The following ANKRD45 variants were observed in gnomAD, a reference collection of about 807,000 sequenced individuals.
ANKRD45 encodes ankyrin repeat domain-containing protein 45.
Under a neutral mutation model 28.1 loss-of-function variants are expected in ANKRD45, and 21 were observed. That is an observed-to-expected ratio of 0.75 (90% CI 0.53 to 1.08). The LOEUF is 1.08. ANKRD45 is among the 50% of genes least tolerant of loss of function. ANKRD45 has a pLI of 0.00. For synonymous variants in ANKRD45, 86 were observed against 103.9 expected (o/e 0.83, Z 1.05); for missense variants, 261 against 308.7 (o/e 0.85, Z 1.16).
In ANKRD45 at chr1:173,611,724, TTGGCAATGGTTTCTTAGG is replaced by T. The variant is rs1667166847; in HGVS notation, c.731-1527_731-1510del. Among the ~76,000 whole-genome samples, 3 of 152,146 alleles carry T rather than the reference TTGGCAATGGTTTCTTAGG, an allele frequency of 2.0e-5. No homozygotes were observed. In the South Asian group the frequency reaches 6.2e-4, roughly 32 times the overall value. On this transcript the variant is annotated intron_variant, in intron 5 of 5. Coordinates refer to ENST00000333279, the MANE Select transcript of ANKRD45 (RefSeq NM_198493.3). Reference sequence around the variant, plus strand: ...AGAATTAAATCTTGGTGACCTTGGATTGGCAATGGTTTCTTAGGTATGACACAGAAAGCAGAAGCAACA... The same window carrying T: ...AGAATTAAATCTTGGTGACCTTGGATTATGACACAGAAAGCAGAAGCAACA...
At chr1:173,635,429 G>C (rs747756497) in intron 3 of ANKRD45, 46 of 965,432 alleles carry the variant, frequency 4.8e-5, no homozygotes, top group Non-Finnish European at 6.7e-5. Context: ...TCCCTTCGTA[G>C]GGAATTTAGT....
In ANKRD45 at chr1:173,627,143, CAG is replaced by C. The variant is rs745419101; in HGVS notation, c.511_512del (p.Leu171GlufsTer13). On this transcript the variant is annotated frameshift_variant, in exon 4 of 6. Coordinates refer to ENST00000333279, the MANE Select transcript of ANKRD45 (RefSeq NM_198493.3). LOFTEE classifies it high-confidence loss of function. ...AAGAGACTTTTGCAATATATTTTTT[CAG>C]AGTCAGCCTTGCATCTGAAAGAATG... ...FLDWADARLT[L>X]KKYIAKVSLA... The C allele has an allele frequency of 1.9e-6, 3 of 1,611,782 alleles. No individual in the cohort carries two copies. Among genetic ancestry groups the C allele is most frequent in the East Asian group, 2.2e-5 (1 of 44,854 alleles).
At chr1:173,672,883 A>T (rs758445031), upstream of ANKRD45, among the ~76,000 whole-genome samples, 2 of 152,140 alleles carry the variant, frequency 1.3e-5, no homozygotes, top group Non-Finnish European at 2.9e-5. Flanking sequence ...CTCAGCAATA[A>T]CCTGTGGGTA....
the ANKRD45 span, among the ~76,000 whole-genome samples, chr1:173,709,616 C>T: frequency 5.3e-5 from 8 of 152,018 alleles, no homozygotes; most frequent in African/African-American, 1.9e-4. Flanking sequence ...CATATCTGGG[C>T]ACCCTACTAG....
intron 5 of ANKRD45, among the ~76,000 whole-genome samples, chr1:173,614,677 C>G (rs1667381343): frequency 6.6e-6 from 1 of 152,162 alleles, no homozygotes; most frequent in South Asian, 2.1e-4. Context: ...TCCCAACACA[C>G]ATGTTCCCAG....
intron 3 of ANKRD45, among the ~76,000 whole-genome samples, chr1:173,644,593 C>T (rs997800961): frequency 6.6e-6 from 1 of 152,150 alleles, no homozygotes; most frequent in Admixed American, 6.5e-5. Context: ...CCAATAATAC[C>T]TCACATCCAT....
intron 3 of ANKRD45, among the ~76,000 whole-genome samples, chr1:173,642,854 C>A (rs754855900): frequency 6.6e-6 from 1 of 152,184 alleles, no homozygotes; most frequent in Non-Finnish European, 1.5e-5. Context: ...CAATGGAAAC[C>A]GGACACAGCA....
In ANKRD45 at chr1:173,609,133, G is replaced by C. The variant is rs1216881956; in HGVS notation, c.*1012C>G. Among the ~76,000 whole-genome samples the C allele has an allele frequency of 3.9e-5, 6 of 152,080 alleles. No individual in the cohort carries two copies. Among genetic ancestry groups the C allele is most frequent in the Non-Finnish European group, 7.4e-5 (5 of 68,020 alleles). ...TGCTTTAAAAAATTGAAACTGAATT[G>C]CTCATACATTAAAAGGATAAAAAAC... On this transcript the variant is annotated 3_prime_UTR_variant, in exon 6 of 6. Transcript: ENST00000333279.
At chr1:173,670,132 C>G (rs992016884), upstream of ANKRD45, among the ~76,000 whole-genome samples, 2 of 152,184 alleles carry the variant, frequency 1.3e-5, no homozygotes, top group African/African-American at 4.8e-5. Flanking sequence ...AGGTTGCATT[C>G]TAAAAACTAC....
At chr1:173,657,879 A>G (rs1669616330) in intron 2 of ANKRD45, 1 of 151,604 alleles carries the variant, frequency 6.6e-6, no homozygotes, top group Non-Finnish European at 1.5e-5. Flanking sequence ...TTTGTTTACT[A>G]AATTTTTTAT....
At chr1:173,658,313 G>C (rs1669636254) in intron 2 of ANKRD45, 2 of 154,014 alleles carry the variant, frequency 1.3e-5, no homozygotes, top group African/African-American at 4.8e-5. Context: ...GACAGAGTGA[G>C]ACCCTGTCTC....
At chr1:173,632,205 G>A (rs938475851) in intron 3 of ANKRD45, among the ~76,000 whole-genome samples, 1 of 151,894 alleles carries the variant, frequency 6.6e-6, no homozygotes, top group Non-Finnish European at 1.5e-5. Context: ...AGGCTACTAT[G>A]AGCAAATATA....
intron 2 of ANKRD45, among the ~76,000 whole-genome samples, chr1:173,656,774 T>G (rs934489414): frequency 5.3e-5 from 8 of 152,066 alleles, no homozygotes; most frequent in African/African-American, 1.9e-4. Flanking sequence ...AACAAATATC[T>G]TAGTCTTATT....
chr1:173,681,078 T>C, the ANKRD45 span, among the ~76,000 whole-genome samples: 32 of 151,990 alleles, frequency 2.1e-4, no homozygotes, highest in African/African-American at 7.7e-4. Context: ...CATATATACC[T>C]ATGTAACAAA....
the ANKRD45 span, among the ~76,000 whole-genome samples, chr1:173,705,385 C>T: frequency 2.0e-5 from 3 of 150,716 alleles, no homozygotes; most frequent in South Asian, 2.1e-4. Flanking sequence ...AATAGACGGC[C>T]GAGCATGGTG....
chr1:173,680,824 T>C, the ANKRD45 span, among the ~76,000 whole-genome samples: 1 of 151,942 alleles, frequency 6.6e-6, no homozygotes, highest in East Asian at 1.9e-4. Flanking sequence ...TGCAGGGACA[T>C]GCATGAAGCT....
chr1:173,708,787 T>C, the ANKRD45 span, among the ~76,000 whole-genome samples: 1 of 152,156 alleles, frequency 6.6e-6, no homozygotes, highest in Admixed American at 6.5e-5. Context: ...ACTGAGAAAT[T>C]GTAAAGGATT....
Position 173,659,450 on chromosome 1 carries a change from A to T in ANKRD45, c.-15-17T>A, listed in dbSNP as rs57404133. ...CAAAAATACCTATGACCAAAAAAAT[A>T]AAAAAGTGATAAAAATCTACTCAAA... On this transcript the variant is annotated splice_polypyrimidine_tract_variant and intron_variant, in intron 1 of 5. Coordinates refer to ENST00000333279, the MANE Select transcript of ANKRD45 (RefSeq NM_198493.3). 7.7e-3 allele frequency: 11,497 copies of T among 1,494,992 alleles called. 783 individuals carry two copies. The African/African-American group carries it at 0.14, about 18-fold the overall frequency. 92.6% of individuals were successfully genotyped at this position (1,494,992 alleles called of 1,614,324 possible). A position where few individuals can be genotyped will look rare whatever the true frequency, so the allele number is the denominator to read the frequency against.
chr1:173,659,040 C>A, intron 2 of ANKRD45, 51 bp downstream of exon 2: 1 of 1,571,988 alleles, frequency 6.4e-7, no homozygotes, highest in Non-Finnish European at 8.6e-7. Flanking sequence ...TATTACATTG[C>A]ATCTTTAGGT....
Sources: gnomAD v4.1 joint callset for allele counts (sites outside exome capture counted in the v4.1 genomes callset) on GRCh38, gnomAD v4.1.1 for gene constraint, MANE v1.5 for transcripts, NCBI Gene and HGNC (gene_info 2026-07-23, HGNC 2026-07-21) for gene names.